The following CCDC192 variants were observed in gnomAD, a reference collection of about 807,000 sequenced individuals.
CCDC192 encodes coiled-coil domain-containing protein 192.
rs374326064 is a variant in CCDC192 at position 127,723,591 on chromosome 5, C to T, written c.114+15831C>T. ...CTATGATCTGAAGAAAATTACTTTT[C>T]AAAACTGTTTAAAATTTCCTTAAGA... On this transcript the variant is annotated intron_variant, in intron 2 of 6. Transcript: ENST00000514853. Among the ~76,000 whole-genome samples, 21 of 152,278 alleles carry T rather than the reference C, an allele frequency of 1.4e-4. No homozygotes were observed. The South Asian group carries it at 2.3e-3, about 17-fold the overall frequency.
chr5:127,895,756 C>G (rs1191062081), intron 6 of CCDC192, among the ~76,000 whole-genome samples: 1 of 151,814 alleles, frequency 6.6e-6, no homozygotes, highest in East Asian at 1.9e-4. Context: ...GGGGGTATGA[C>G]TTGAAGCCTG....
chr5:127,802,182 A>C (rs377569352), intron 5 of CCDC192, among the ~76,000 whole-genome samples: 1 of 152,184 alleles, frequency 6.6e-6, no homozygotes, highest in Admixed American at 6.5e-5. Flanking sequence ...GACTCTAGGG[A>C]CATTGAAGGC....
At chr5:127,744,107 A>T (rs1441758976) in intron 2 of CCDC192, among the ~76,000 whole-genome samples, 1 of 131,106 alleles carries the variant, frequency 7.6e-6, no homozygotes, top group African/African-American at 2.6e-5. Context: ...AAAAAAAAAA[A>T]AAGGAAAAAA....
rs370890932 is a variant in CCDC192 at position 127,733,899 on chromosome 5, GC to G, written c.115-20367del. Among the ~76,000 whole-genome samples, 108 of 147,934 alleles carry G rather than the reference GC, an allele frequency of 7.3e-4. 2 individuals are homozygous for G. In the South Asian group the frequency reaches 0.023, roughly 31 times the overall value. ...TTTATTTCCACCTGAGAATTTGTCA[GC>G]CATGCCTTCACTAACTATATATATA... On this transcript the variant is annotated intron_variant, in intron 2 of 6. Transcript: ENST00000514853.
chr5:127,805,393 T>A (rs1447955160), intron 5 of CCDC192, among the ~76,000 whole-genome samples: 1 of 152,204 alleles, frequency 6.6e-6, no homozygotes, highest in Non-Finnish European at 1.5e-5. Context: ...GATGTAAAGC[T>A]CCTGTTTTTA....
chr5:127,752,629 G>C (rs939024843), intron 2 of CCDC192, among the ~76,000 whole-genome samples: 1 of 152,240 alleles, frequency 6.6e-6, no homozygotes, highest in African/African-American at 2.4e-5. Flanking sequence ...CTTGAGCTGT[G>C]GTGGGCTCCA....
At chr5:127,902,546 T>C (rs1425015581) in intron 6 of CCDC192, among the ~76,000 whole-genome samples, 23 of 152,166 alleles carry the variant, frequency 1.5e-4, no homozygotes, top group Admixed American at 1.5e-3. Context: ...ATACCTCCTA[T>C]CTGCATGCAT....
chr5:127,762,553 T>C (rs904089631), intron 3 of CCDC192, among the ~76,000 whole-genome samples: 1 of 152,186 alleles, frequency 6.6e-6, no homozygotes, highest in Non-Finnish European at 1.5e-5. Context: ...CAATGACAAA[T>C]CGGCTTCTGT....
chr5:127,926,500 G>A (rs1753865374), intron 6 of CCDC192, among the ~76,000 whole-genome samples: 1 of 152,184 alleles, frequency 6.6e-6, no homozygotes, highest in African/African-American at 2.4e-5. Flanking sequence ...GAAGGAAGTT[G>A]CAGGAGCATG....
chr5:127,810,147 G>T (rs544272901), intron 5 of CCDC192, among the ~76,000 whole-genome samples: 1 of 152,312 alleles, frequency 6.6e-6, no homozygotes, highest in East Asian at 1.9e-4. Flanking sequence ...GTAACACATA[G>T]ATCCCAGAAT....
At chr5:127,928,603 C>T (rs776415824) in intron 6 of CCDC192, among the ~76,000 whole-genome samples, 4 of 152,122 alleles carry the variant, frequency 2.6e-5, no homozygotes, top group Admixed American at 6.5e-5. Flanking sequence ...ATCTTAGGGG[C>T]GTATTATTCT....
At position 127,801,860 on chromosome 5, in the gene CCDC192, C is replaced by G. The variant is rs558995768; in HGVS notation, c.411+3698C>G. ...AAGCTCCATCCAGCAGCATGAGTAG[C>G]AAGCTTTTATAGGCAAAACACAGAA... On this transcript the variant is annotated intron_variant, in intron 5 of 6. Transcript: ENST00000514853. Among the ~76,000 whole-genome samples, 3 of 152,284 alleles carry G rather than the reference C, an allele frequency of 2.0e-5. No homozygotes were observed. The South Asian group carries it at 6.2e-4, about 32-fold the overall frequency.
intron 6 of CCDC192, among the ~76,000 whole-genome samples, chr5:127,908,702 G>T (rs73786954): frequency 6.6e-6 from 1 of 151,886 alleles, no homozygotes; most frequent in African/African-American, 2.4e-5. Flanking sequence ...TTTCTCCCTC[G>T]CATTTCCTTT....
rs1753705264 is a variant in CCDC192 at position 127,745,785 on chromosome 5, A to G, written c.115-8483A>G. 2.0e-5 allele frequency among the ~76,000 whole-genome samples: 3 copies of G among 152,210 alleles called. No individual in the cohort carries two copies. The South Asian group carries it at 6.2e-4, about 32-fold the overall frequency. On this transcript the variant is annotated intron_variant, in intron 2 of 6. Coordinates refer to ENST00000514853, the MANE Select transcript of CCDC192 (RefSeq NM_001317938.2). ...TCACTTGCAACTACTTTAACCACTG[A>G]AAGTATTCATTTTCATTATTAATAC... is the stretch of plus-strand genomic sequence containing the variant.
rs1229850910 is a variant in CCDC192, at chr5:127,875,585, A to C, written c.459A>C (p.Ala153=). Reference sequence around the variant, plus strand: ...TGAAAAAACTACAGACTGATTTGGCAACAGCTAATGCCATCACAGTTCTGG... The same window carrying C: ...TGAAAAAACTACAGACTGATTTGGCCACAGCTAATGCCATCACAGTTCTGG... The part of the protein sequence containing the change: ...KKVKKLQTDL[A]TANAITVLEL... The change falls in exon 6 of 7, where the codon GCA becomes GCC. Residue 153 remains alanine, a synonymous_variant. Transcript: ENST00000514853. The C allele has an allele frequency of 2.5e-6, 1 of 398,470 alleles. No homozygotes were observed. The highest frequency in any genetic ancestry group is 2.1e-5 in the African/African-American group (1 of 48,296). 24.7% of individuals were successfully genotyped at this position (398,470 alleles called of 1,614,324 possible).
chr5:127,818,143 A>AT (rs1334427923), intron 5 of CCDC192, among the ~76,000 whole-genome samples: 2 of 144,492 alleles, frequency 1.4e-5, no homozygotes, highest in African/African-American at 2.9e-5. Flanking sequence ...ATATTTACAT[A>AT]TTTTTTTGCT....
chr5:127,828,046 A>G (rs1749616038), intron 5 of CCDC192, among the ~76,000 whole-genome samples: 1 of 152,172 alleles, frequency 6.6e-6, no homozygotes, highest in Non-Finnish European at 1.5e-5. Context: ...AGCTGGGATT[A>G]CAGGCACCTG....
At chr5:127,883,552 T>C (rs2127146722) in intron 6 of CCDC192, among the ~76,000 whole-genome samples, 1 of 152,340 alleles carries the variant, frequency 6.6e-6, no homozygotes, top group East Asian at 1.9e-4. Flanking sequence ...GAAAGTATTT[T>C]CCTGAAATAG....
chr5:127,723,088 C>T (rs1349033359), intron 2 of CCDC192, among the ~76,000 whole-genome samples: 1 of 152,146 alleles, frequency 6.6e-6, no homozygotes, highest in African/African-American at 2.4e-5. Context: ...AGACCATGAA[C>T]ATGGAATGTT....
Sources: gnomAD v4.1 joint callset for allele counts (sites outside exome capture counted in the v4.1 genomes callset) on GRCh38, gnomAD v4.1.1 for gene constraint, MANE v1.5 for transcripts, NCBI Gene and HGNC (gene_info 2026-07-23, HGNC 2026-07-21) for gene names.